Variants in SLC22A6 observed in about 807,000 individuals in gnomAD.
SLC22A6 encodes PAH transporter.
Under a neutral mutation model 56.7 loss-of-function variants are expected in SLC22A6, and 45 were observed. That is an observed-to-expected ratio of 0.79 (90% CI 0.63 to 1.02). The LOEUF (loss-of-function observed/expected upper bound fraction) is 1.02. Ranked by LOEUF, SLC22A6 falls within the 50% of genes least tolerant of loss-of-function variation. The pLI is 0.00. For synonymous variants in SLC22A6, 291 were observed against 295.9 expected (o/e 0.98, Z 0.17); for missense variants, 606 against 713.8 (o/e 0.85, Z 1.72).
In SLC22A6 at chr11:62,979,590, G is replaced by A. The variant is rs1268190252; in HGVS notation, c.1259C>T (p.Ser420Phe). The stretch of plus-strand genomic sequence containing the variant: ...CACAGCAAGAGAGGTTCGGACAATG[G>A]ACTGGTCTAGAGAGAAAGAAGGGGG... ...LLNGVIPQDQSIVRTSLAVLG... is the reference protein window; with the variant it reads ...LLNGVIPQDQFIVRTSLAVLG... The change falls in exon 8 of 10, where the codon TCC (serine) becomes TTC (phenylalanine). Residue 420 changes from serine to phenylalanine, a missense_variant. By Grantham distance (155) the Ser-to-Phe change is radical (BLOSUM62 -2). Coordinates refer to ENST00000360421, the MANE Select transcript of SLC22A6 (RefSeq NM_153276.3). 17 of 1,613,616 alleles carry A rather than the reference G, an allele frequency of 1.1e-5. No individual in the cohort carries two copies. Among genetic ancestry groups the A allele is most frequent in the East Asian group, 2.2e-5 (1 of 44,888 alleles).
At chr11:62,979,661 C>G (rs971585890) in intron 7 of SLC22A6, 65 bp from the exon 8 acceptor site, 3 of 1,593,920 alleles carry the variant, frequency 1.9e-6, no homozygotes, top group Non-Finnish European at 2.6e-6. Context: ...TTGGCCCCCT[C>G]CCTTCTGAGA....
chr11:62,983,375 C>T lies in SLC22A6; in HGVS notation c.628+162G>A, dbSNP rs1242442502. 2.6e-5 allele frequency among the ~76,000 whole-genome samples: 4 copies of T among 152,026 alleles called. No individual in the cohort carries two copies. Among genetic ancestry groups the T allele is most frequent in the African/African-American group, 4.8e-5 (2 of 41,376 alleles). ...CCTGTTTTTAAATGAGGGGTCAGGG[C>T]GGCATGAGCCTGAGAAAAGGTTGTT... On this transcript the variant is annotated intron_variant, in intron 3 of 9. Transcript: ENST00000360421. The surrounding 1 kb of genome is among the most constrained non-coding windows in gnomAD (Gnocchi z 4.5).
Position 62,981,157 on chromosome 11 carries a change from C to T in SLC22A6, c.922-57G>A, listed in dbSNP as rs1421003422. The T allele has an allele frequency of 7.5e-6, 12 of 1,604,546 alleles. No individual in the cohort carries two copies. The Admixed American group carries it at 2.0e-4, about 27-fold the overall frequency. The stretch of plus-strand genomic sequence containing the variant: ...ATCCTCCCAAGGAGCTCCTCCCAGC[C>T]TAATCCCTTACTTAGAGGAGTTCCC... On this transcript the variant is annotated intron_variant, in intron 5 of 9. Coordinates refer to ENST00000360421, the MANE Select transcript of SLC22A6 (RefSeq NM_153276.3).
At chr11:62,984,249 CTTT>C (rs4149175) in intron 1 of SLC22A6, 70 bp downstream of exon 1, 1,736 of 1,375,146 alleles carry the variant, frequency 1.3e-3, no homozygotes, top group South Asian at 1.4e-3. Flanking sequence ...TCTCCATGTA[CTTT>C]TTTTTTTTTT....
In SLC22A6 at chr11:62,984,528, C is replaced by T; in HGVS notation, c.163G>A (p.Ala55Thr). The T allele has an allele frequency of 6.2e-7, 1 of 1,613,954 alleles. No homozygotes were observed. Among genetic ancestry groups the T allele is most frequent in the Non-Finnish European group, 8.5e-7 (1 of 1,179,936 alleles). The change falls in exon 1 of 10, where the codon GCC becomes ACC. Residue 55 changes from alanine to threonine, a missense_variant. By Grantham distance (58) the Ala-to-Thr change is moderately conservative. Coordinates refer to ENST00000360421, the MANE Select transcript of SLC22A6 (RefSeq NM_153276.3). ...AGCCCCCCGTTCTTGCTGAGGTTGG[C>T]ATCGGCAGGCGGGCGGCAGTGGTGG... ...PTHHCRPPADANLSKNGGLEV... is the reference protein window; with the variant it reads ...PTHHCRPPADTNLSKNGGLEV...
chr11:62,981,703 G>A, intron 4 of SLC22A6, 139 bp downstream of exon 4: 1 of 865,880 alleles, frequency 1.2e-6, no homozygotes, highest in Non-Finnish European at 1.7e-6. Context: ...TTCCCTATCT[G>A]TCACACAGAG....
At chr11:62,980,216 T>C (rs1334208886) in intron 6 of SLC22A6, among the ~76,000 whole-genome samples, 1 of 152,164 alleles carries the variant, frequency 6.6e-6, no homozygotes, top group Non-Finnish European at 1.5e-5. Flanking sequence ...AGGATTTACA[T>C]AGGTTTAGTT....
chr11:62,977,101 G>A (rs774014239), intron 9 of SLC22A6, 83 bp downstream of exon 9: 5 of 1,608,008 alleles, frequency 3.1e-6, no homozygotes, highest in Non-Finnish European at 4.3e-6. Context: ...AGAAGAGGAA[G>A]CCTGGGCTTG....
In SLC22A6 at chr11:62,979,875, G is replaced by C; in HGVS notation, c.1111C>G (p.Gln371Glu). The C allele has an allele frequency of 6.2e-7, 1 of 1,614,182 alleles. No individual in the cohort carries two copies. The highest frequency in any genetic ancestry group is 8.5e-7 in the Non-Finnish European group (1 of 1,179,998). Residue 371 changes from glutamine (Q) to glutamate (E), a missense_variant, in exon 7 of 10, where the codon CAG becomes GAG. Coordinates refer to ENST00000360421, the MANE Select transcript of SLC22A6 (RefSeq NM_153276.3). ...AGGTCCACAGCACCAAAGATCACCT[G>C]GATTAGGTAGATGCTGACTCCAAAG... ...QGFGVSIYLI[Q>E]VIFGAVDLPA...
chr11:62,984,766 G>A lies in SLC22A6; in HGVS notation c.-76C>T. On this transcript the variant is annotated 5_prime_UTR_variant, in exon 1 of 10. Transcript: ENST00000360421. The stretch of plus-strand genomic sequence containing the variant: ...ACCTCTGTCTGTCTGCCTGCCTGCT[G>A]TCCTTCGCTGGAGGAGCAGCACTGC... 6.8e-7 allele frequency: 1 copy of A among 1,481,030 alleles called. No homozygotes were observed. 91.7% of individuals were successfully genotyped at this position (1,481,030 alleles called of 1,614,324 possible). A position where few individuals can be genotyped will look rare whatever the true frequency, so the allele number is the denominator to read the frequency against.
Position 62,977,393 on chromosome 11 carries a change from G to A in SLC22A6, c.1362-6C>T. ...CCATTCCCATGCCTGTCTGCCTGCA[G>A]GGCCCGCAGCAGATGGGTGTTGGTT... On this transcript the variant is annotated splice_polypyrimidine_tract_variant and splice_region_variant and intron_variant, in intron 8 of 9. Transcript: ENST00000360421. The A allele has an allele frequency of 6.2e-7, 1 of 1,605,858 alleles. No individual in the cohort carries two copies. The highest frequency in any genetic ancestry group is 1.7e-5 in the Admixed American group (1 of 59,640).
At position 62,983,101 on chromosome 11, in the gene SLC22A6, G is replaced by A. The variant is rs1250792516; in HGVS notation, c.628+436C>T. On this transcript the variant is annotated intron_variant, in intron 3 of 9. Coordinates refer to ENST00000360421, the MANE Select transcript of SLC22A6 (RefSeq NM_153276.3). The surrounding 1 kb of genome is among the most constrained non-coding windows in gnomAD (Gnocchi z 4.5). ...GCTCTATTGCCCAGGCTGGAGTGCA[G>A]TGGCGCAATCTCCGCTCACTGAAAG... Among the ~76,000 whole-genome samples the A allele has an allele frequency of 1.3e-5, 2 of 151,498 alleles. No homozygotes were observed. Among genetic ancestry groups the A allele is most frequent in the African/African-American group, 2.4e-5 (1 of 41,164 alleles).
Position 62,981,040 on chromosome 11 carries a change from C to T in SLC22A6, c.982G>A (p.Glu328Lys). The T allele has an allele frequency of 6.2e-7, 1 of 1,612,430 alleles. No individual in the cohort carries two copies. The highest frequency in any genetic ancestry group is 1.1e-5 in the South Asian group (1 of 90,930). ...TMGKGQASAM[E>K]LLRCPTLRHL... ...CGGAGGGTGGGGCAGCGCAGCAGCT[C>T]CATGGCCGATGCCTGGCCTTTGCCC... Residue 328 changes from glutamate (E) to lysine (K), a missense_variant, in exon 6 of 10, where the codon GAG (glutamate) becomes AAG (lysine). Transcript: ENST00000360421.
At chr11:62,977,861 T>G (rs2086207834) in intron 8 of SLC22A6, among the ~76,000 whole-genome samples, 1 of 152,244 alleles carries the variant, frequency 6.6e-6, no homozygotes, top group Non-Finnish European at 1.5e-5. Context: ...AACATACACC[T>G]ATTGGATTAG....
At chr11:62,979,044 T>C (rs187528135) in intron 8 of SLC22A6, among the ~76,000 whole-genome samples, 37 of 152,366 alleles carry the variant, frequency 2.4e-4, no homozygotes, top group Non-Finnish European at 4.0e-4. Flanking sequence ...ACTATATTTA[T>C]TCCTATTGCT....
intron 1 of SLC22A6, 73 bp downstream of exon 1, chr11:62,984,249 C>CT (rs4149175): frequency 0.085 from 116,547 of 1,364,430 alleles, 541 homozygotes; most frequent in East Asian, 0.16. Context: ...TCTCCATGTA[C>CT]TTTTTTTTTT....
At chr11:62,984,249 C>CTTTTT in intron 1 of SLC22A6, 73 bp downstream of exon 1, 5 of 1,382,336 alleles carry the variant, frequency 3.6e-6, no homozygotes, top group Non-Finnish European at 4.9e-6. Context: ...TCTCCATGTA[C>CTTTTT]TTTTTTTTTT....
In SLC22A6 at chr11:62,979,532, G is replaced by C; in HGVS notation, c.1317C>G (p.Asn439Lys). Residue 439 changes from asparagine to lysine, a missense_variant, in exon 8 of 10, where the codon AAC (asparagine) becomes AAG (lysine). Physicochemically the swap from Asn to Lys is moderately conservative, Grantham distance 94. Transcript: ENST00000360421. The stretch of plus-strand genomic sequence containing the variant: ...GTTCCCCAGTATACAGGAAGATGCA[G>C]TTGAAGGAGGCAGCCAGACAACCCT... The part of the protein sequence containing the change: ...LGKGCLAASF[N>K]CIFLYTGELY... The C allele has an allele frequency of 1.2e-6, 2 of 1,614,146 alleles. No individual in the cohort carries two copies. Among genetic ancestry groups the C allele is most frequent in the Non-Finnish European group, 1.7e-6 (2 of 1,179,948 alleles).
intron 5 of SLC22A6, 45 bp downstream of exon 5, chr11:62,981,215 G>T (rs758815321): frequency 6.9e-5 from 111 of 1,607,342 alleles, no homozygotes; most frequent in Non-Finnish European, 9.3e-5. Flanking sequence ...GGGTTTGGGG[G>T]TGAAGCCCTG....
Sources: allele counts gnomAD v4.1 joint callset (sites outside exome capture counted in the v4.1 genomes callset), GRCh38; gene constraint gnomAD v4.1.1; non-coding constraint Gnocchi (gnomAD v3.1); transcripts MANE v1.5; gene names NCBI Gene and HGNC (gene_info 2026-07-23, HGNC 2026-07-21).